Variants in LRRIQ1 observed in about 807,000 individuals in gnomAD.
The protein encoded by LRRIQ1 is leucine-rich repeat- and IQ domain-containing protein 1.
In LRRIQ1, 210 loss-of-function variants were observed where a neutral mutation model predicts 211.9. The observed-to-expected ratio is 0.99, with a 90% CI of 0.89 to 1.11. LRRIQ1 has a LOEUF of 1.11. LRRIQ1 is among the 50% of genes most tolerant of loss of function. The probability of loss-of-function intolerance (pLI) is 0.00; values close to 1 mark genes in which losing one functional copy is unlikely to be tolerated. For missense variants in LRRIQ1, 2,136 were observed against 1,939.5 expected (o/e 1.10, Z -1.90); for synonymous variants, 699 against 650.1 (o/e 1.08, Z -1.14).
At chr12:85,121,289 A>ACAGAATATAC (rs1887963803) in intron 15 of LRRIQ1, among the ~76,000 whole-genome samples, 1 of 152,188 alleles carries the variant, frequency 6.6e-6, no homozygotes, top group African/African-American at 2.4e-5. Context: ...ACTAAGAGAA[A>ACAGAATATAC]CAGAATATAC....
intron 1 of LRRIQ1, among the ~76,000 whole-genome samples, chr12:85,259,462 G>A (rs1896222159): frequency 6.6e-6 from 1 of 151,972 alleles, no homozygotes; most frequent in African/African-American, 2.4e-5. Context: ...TCTCAGAGAT[G>A]TGTTATTTTG....
intron 15 of LRRIQ1, among the ~76,000 whole-genome samples, chr12:85,115,080 A>C (rs924916101): frequency 6.6e-6 from 1 of 152,166 alleles, no homozygotes; most frequent in Non-Finnish European, 1.5e-5. Context: ...AATTTCTCTC[A>C]TTCATTCATG....
intron 24 of LRRIQ1, among the ~76,000 whole-genome samples, chr12:85,163,529 T>C (rs1330909835): frequency 6.6e-6 from 1 of 152,176 alleles, no homozygotes; most frequent in African/African-American, 2.4e-5. Context: ...AATCCACATT[T>C]ATTTTAGTAA....
chr12:85,043,419 T>G (rs1220104940), intron 3 of LRRIQ1, among the ~76,000 whole-genome samples: 1 of 152,096 alleles, frequency 6.6e-6, no homozygotes, highest in Non-Finnish European at 1.5e-5. Flanking sequence ...CCTCTCTCTG[T>G]GGCTTTCGCT....
At chr12:85,055,103 C>T (rs1334511677) in intron 7 of LRRIQ1, among the ~76,000 whole-genome samples, 1 of 152,058 alleles carries the variant, frequency 6.6e-6, no homozygotes, top group Non-Finnish European at 1.5e-5. Context: ...ATAAGTTTCA[C>T]AAAATAATTC....
rs916994735 is a variant in LRRIQ1, at chr12:85,211,040, C to A, written c.4823-18477C>A. On this transcript the variant is annotated intron_variant, in intron 24 of 26. Coordinates refer to ENST00000393217, the MANE Select transcript of LRRIQ1 (RefSeq NM_001079910.2). ...GAAATTGAGGGGCAAAGGAGACCCACACAAATATGCTGATGCTCATATTTC... is the reference window on the plus strand; with the variant it reads ...GAAATTGAGGGGCAAAGGAGACCCAAACAAATATGCTGATGCTCATATTTC... Among the ~76,000 whole-genome samples, 52 of 152,204 alleles carry A rather than the reference C, an allele frequency of 3.4e-4. 1 individual carries two copies. The highest frequency in any genetic ancestry group is 1.2e-3 in the African/African-American group (51 of 41,466).
At position 85,229,518 on chromosome 12, in the gene LRRIQ1, T is replaced by C. The variant is rs773865204; in HGVS notation, c.4824T>C (p.Gly1608=). ...ACACGTTCCATATTTCTTTCACAGG[T>C]ATAGAAGAAGACCCTATCCACAAAG... ...VQPRRDGYFE[G]IEEDPIHKDT... The change falls in exon 25 of 27, where the codon GGT becomes GGC. Residue 1608 remains glycine, a splice_region_variant and synonymous_variant. Transcript: ENST00000393217. 3.1e-6 allele frequency: 5 copies of C among 1,605,568 alleles called. 1 individual carries two copies. The South Asian group carries it at 3.3e-5, about 11-fold the overall frequency.
chr12:85,059,858 A>T (rs570250602), intron 8 of LRRIQ1, among the ~76,000 whole-genome samples: 4 of 151,946 alleles, frequency 2.6e-5, no homozygotes, highest in East Asian at 1.9e-4. Context: ...AAGTATAATT[A>T]AAAAAAAGAA....
chr12:85,109,198 G>A lies in LRRIQ1; in HGVS notation c.3377+2583G>A, dbSNP rs529283565. 6.6e-5 allele frequency among the ~76,000 whole-genome samples: 10 copies of A among 152,214 alleles called. No homozygotes were observed. In the East Asian group the frequency reaches 1.9e-3, roughly 29 times the overall value. Reference sequence around the variant, plus strand: ...GTAGAACAAGCTATTAGAGTCTGGGGAATAGTCTGTCTTCCCACTCTTGTC... The same window carrying A: ...GTAGAACAAGCTATTAGAGTCTGGGAAATAGTCTGTCTTCCCACTCTTGTC... On this transcript the variant is annotated intron_variant, in intron 15 of 26. Transcript: ENST00000393217.
rs973439792 is a variant in LRRIQ1, at chr12:85,133,067, G to A, written c.4210-4783G>A. 2.6e-5 allele frequency among the ~76,000 whole-genome samples: 4 copies of A among 151,908 alleles called. No individual in the cohort carries two copies. In the South Asian group the frequency reaches 8.3e-4, roughly 32 times the overall value. On this transcript the variant is annotated intron_variant, in intron 18 of 26. Transcript: ENST00000393217. ...GATTTTCTTATTTGTTGAACTAAGT[G>A]AATAAAGTTGTCAGAAATAAAGCAT... is the stretch of plus-strand genomic sequence containing the variant.
At chr12:85,186,679 G>A (rs530160409) in intron 24 of LRRIQ1, among the ~76,000 whole-genome samples, 9 of 152,164 alleles carry the variant, frequency 5.9e-5, no homozygotes, top group Non-Finnish European at 8.8e-5. Context: ...TAAGAAGCCT[G>A]TGTAATTTAT....
chr12:85,098,584 GCAA>G, intron 12 of LRRIQ1, 36 bp downstream of exon 12: 1 of 1,498,160 alleles, frequency 6.7e-7, no homozygotes, highest in South Asian at 1.3e-5. Context: ...CTGTGATAAA[GCAA>G]CACTTTTCTT....
chr12:85,184,239 T>C (rs935523529), intron 24 of LRRIQ1, among the ~76,000 whole-genome samples: 33 of 152,146 alleles, frequency 2.2e-4, no homozygotes, highest in African/African-American at 7.9e-4. Flanking sequence ...TATTTATCCA[T>C]CATATTTAAA....
chr12:85,269,510 A>G, the LRRIQ1 span, among the ~76,000 whole-genome samples: 1 of 152,060 alleles, frequency 6.6e-6, no homozygotes, highest in East Asian at 1.9e-4. Flanking sequence ...TTGGCATTTC[A>G]TTCTGTTGAT....
chr12:85,175,444 G>GA (rs1891647188), intron 24 of LRRIQ1, among the ~76,000 whole-genome samples: 1 of 152,112 alleles, frequency 6.6e-6, no homozygotes, highest in Admixed American at 6.6e-5. Flanking sequence ...TCGGGCAGAA[G>GA]AAAAAGACTT....
intron 24 of LRRIQ1, among the ~76,000 whole-genome samples, chr12:85,228,015 A>C (rs1894751678): frequency 6.6e-6 from 1 of 152,194 alleles, no homozygotes; most frequent in Non-Finnish European, 1.5e-5. Context: ...TTATACAAAA[A>C]TCAATTCAAG....
intron 7 of LRRIQ1, 90 bp downstream of exon 7, chr12:85,052,341 T>A: frequency 1.6e-6 from 1 of 643,596 alleles, no homozygotes; most frequent in Non-Finnish European, 2.6e-6. Context: ...TAGATAATGC[T>A]GCCTAAGTAG....
At chr12:85,266,260 A>G (rs564759719), downstream of LRRIQ1, among the ~76,000 whole-genome samples, 178 of 152,224 alleles carry the variant, frequency 1.2e-3, 1 homozygote, top group South Asian at 5.2e-3. Context: ...TTGCACTGTG[A>G]TATGGATGGA....
chr12:85,062,079 T>C (rs546747848), intron 8 of LRRIQ1, among the ~76,000 whole-genome samples: 1 of 151,988 alleles, frequency 6.6e-6, no homozygotes, highest in Admixed American at 6.6e-5. Flanking sequence ...GAGGAGTTAC[T>C]GCATTCTAAA....
Sources: allele counts gnomAD v4.1 joint callset (sites outside exome capture counted in the v4.1 genomes callset), GRCh38; gene constraint gnomAD v4.1.1; transcripts MANE v1.5; gene names NCBI Gene and HGNC (gene_info 2026-07-23, HGNC 2026-07-21).